Variants in NRXN3 observed in about 807,000 individuals in gnomAD.
The protein encoded by NRXN3 is neurexin III.
NRXN3 carries 32 observed loss-of-function variants against 137.6 expected under a neutral mutation model. The ratio of observed to expected loss-of-function variants is 0.23; its 90% confidence interval spans 0.18 to 0.31. The LOEUF is 0.31. NRXN3 is among the 10% of genes least tolerant of loss of function. The pLI, the probability that NRXN3 is intolerant of heterozygous loss-of-function variation, is 1.00. For synonymous variants in NRXN3, 798 were observed against 784.5 expected (o/e 1.02, Z -0.29); for missense variants, 1,574 against 2,062.5 (o/e 0.76, Z 4.59).
chr14:78,785,181 G>A (rs1022267093), intron 8 of NRXN3, among the ~76,000 whole-genome samples: 1 of 152,072 alleles, frequency 6.6e-6, no homozygotes, highest in Non-Finnish European at 1.5e-5. Context: ...TTTTGAGGAT[G>A]GTACAATAAT....
rs1041396926 is a variant in NRXN3, at chr14:78,765,876, C to A, written c.2045-37744C>A. 8.9e-4 allele frequency among the ~76,000 whole-genome samples: 136 copies of A among 152,258 alleles called. 1 individual carries two copies. The highest frequency in any genetic ancestry group is 3.2e-3 in the African/African-American group (133 of 41,550). On this transcript the variant is annotated intron_variant, in intron 8 of 20. Transcript: ENST00000335750. ...ATCTATAGACTGCATAGACCTCTCA[C>A]ACAAATTTGCATTGCTAGTTGAGGT...
chr14:78,371,086 A>G (rs977250451), intron 4 of NRXN3, among the ~76,000 whole-genome samples: 3 of 152,158 alleles, frequency 2.0e-5, no homozygotes, highest in Admixed American at 6.5e-5. Context: ...TCCCCAGCCA[A>G]GGCCCCACTC....
chr14:78,652,455 C>G (rs934741552), intron 6 of NRXN3, among the ~76,000 whole-genome samples: 1 of 152,188 alleles, frequency 6.6e-6, no homozygotes, highest in African/African-American at 2.4e-5. Context: ...ACTGTGGCAT[C>G]AAAGCAGTGC....
At chr14:79,557,249 C>T (rs1231428429) in intron 16 of NRXN3, among the ~76,000 whole-genome samples, 2 of 151,854 alleles carry the variant, frequency 1.3e-5, no homozygotes, top group East Asian at 3.9e-4. Context: ...TGTATTAATA[C>T]ATTCAGGCTG....
At chr14:79,844,341 G>A (rs2099362537) in intron 20 of NRXN3, among the ~76,000 whole-genome samples, 1 of 149,728 alleles carries the variant, frequency 6.7e-6, no homozygotes, top group Admixed American at 6.8e-5. Flanking sequence ...GTTCTTAATG[G>A]TATCTAGAAT....
chr14:79,095,641 A>G (rs1568274486), intron 15 of NRXN3, among the ~76,000 whole-genome samples: 1 of 133,254 alleles, frequency 7.5e-6, no homozygotes. Context: ...AGTACTACCT[A>G]TAATGTCTAG....
intron 1 of NRXN3, among the ~76,000 whole-genome samples, chr14:78,225,980 T>TGTTGGTGG: frequency 7.5e-6 from 1 of 133,870 alleles, no homozygotes; most frequent in East Asian, 2.2e-4. Flanking sequence ...TGTTGGTGTG[T>TGTTGGTGG]GTGTGTGTGT....
chr14:78,526,050 G>A (rs909903277), intron 4 of NRXN3, among the ~76,000 whole-genome samples: 1 of 152,196 alleles, frequency 6.6e-6, no homozygotes, highest in African/African-American at 2.4e-5. Flanking sequence ...CCACATGATT[G>A]TGGGTCTAGT....
chr14:79,188,723 G>A (rs560895180), intron 15 of NRXN3, among the ~76,000 whole-genome samples: 6 of 152,260 alleles, frequency 3.9e-5, no homozygotes, highest in African/African-American at 1.4e-4. Flanking sequence ...AGGGTGCTGG[G>A]AAGGACATGA....
chr14:78,321,331 G>A (rs2079340915), intron 4 of NRXN3, among the ~76,000 whole-genome samples: 1 of 151,830 alleles, frequency 6.6e-6, no homozygotes, highest in African/African-American at 2.4e-5. Flanking sequence ...GAAGTAAATG[G>A]GTCAGGGGTT....
intron 15 of NRXN3, among the ~76,000 whole-genome samples, chr14:79,365,868 T>C (rs960953267): frequency 2.6e-5 from 4 of 151,970 alleles, no homozygotes; most frequent in Non-Finnish European, 4.4e-5. Flanking sequence ...ATACGTATAA[T>C]GTATGTTAAA....
At chr14:78,354,097 A>G (rs935072177) in intron 4 of NRXN3, among the ~76,000 whole-genome samples, 2 of 152,206 alleles carry the variant, frequency 1.3e-5, no homozygotes, top group African/African-American at 4.8e-5. Context: ...AGATTTGCCC[A>G]AAAGGAAAGC....
At chr14:79,302,298 T>G (rs1025568296) in intron 15 of NRXN3, among the ~76,000 whole-genome samples, 7 of 151,994 alleles carry the variant, frequency 4.6e-5, no homozygotes, top group African/African-American at 1.7e-4. Flanking sequence ...GGAGGCTGGG[T>G]AATTTATTAG....
intron 4 of NRXN3, among the ~76,000 whole-genome samples, chr14:78,613,214 T>A (rs907287892): frequency 1.3e-5 from 2 of 152,220 alleles, no homozygotes; most frequent in Non-Finnish European, 2.9e-5. Flanking sequence ...GATCTGAGGC[T>A]GTATGATATA....
intron 20 of NRXN3, among the ~76,000 whole-genome samples, chr14:79,824,403 G>GT (rs112695287): frequency 4.6e-5 from 7 of 151,856 alleles, no homozygotes; most frequent in Non-Finnish European, 8.8e-5. Flanking sequence ...TTTTTTGATG[G>GT]TTTTTTTTTC....
intron 1 of NRXN3, among the ~76,000 whole-genome samples, chr14:78,228,725 A>G (rs10129666): frequency 0.4 from 61,011 of 151,996 alleles, 12,434 homozygotes; most frequent in Middle Eastern, 0.44. Flanking sequence ...CTGGAATAAG[A>G]ATCCAGTTTT....
intron 10 of NRXN3, among the ~76,000 whole-genome samples, chr14:78,837,851 T>C (rs919110343): frequency 4.6e-5 from 7 of 151,460 alleles, no homozygotes; most frequent in Non-Finnish European, 8.8e-5. Flanking sequence ...TGCAAAATCT[T>C]GCCTTCATAA....
intron 4 of NRXN3, among the ~76,000 whole-genome samples, chr14:78,317,568 C>T (rs761583543): frequency 6.6e-6 from 1 of 152,162 alleles, no homozygotes; most frequent in South Asian, 2.1e-4. Context: ...AAGTATCTTC[C>T]ATGAAATTGG....
At chr14:78,271,220 G>A (rs961329471) in intron 2 of NRXN3, among the ~76,000 whole-genome samples, 4 of 152,094 alleles carry the variant, frequency 2.6e-5, no homozygotes, top group Admixed American at 2.6e-4. Context: ...GAAGTTTATA[G>A]GTGTTGCATC....
Sources: allele counts gnomAD v4.1 joint callset (sites outside exome capture counted in the v4.1 genomes callset), GRCh38; gene constraint gnomAD v4.1.1; transcripts MANE v1.5; gene names NCBI Gene and HGNC (gene_info 2026-07-23, HGNC 2026-07-21).